MYO18B: variants seen among roughly 807,000 people sequenced by gnomAD.
MYO18B encodes unconventional myosin-XVIIIb.
Under a neutral mutation model 273.0 loss-of-function variants are expected in MYO18B, and 204 were observed. The observed-to-expected ratio is 0.75, with a 90% confidence interval of 0.67 to 0.84. The LOEUF is 0.84. MYO18B is among the 40% of genes least tolerant of loss of function. The probability of loss-of-function intolerance (pLI) is 0.00; values close to 1 mark genes in which losing one functional copy is unlikely to be tolerated. For missense variants in MYO18B, 3,212 were observed against 3,287.6 expected, an observed-to-expected ratio of 0.98 and a Z score of 0.56; for synonymous variants, 1,330 against 1,305.7, an observed-to-expected ratio of 1.02 and a Z score of -0.40.
intron 31 of MYO18B, among the ~76,000 whole-genome samples, chr22:25,905,041 T>C (rs771683026): frequency 4.6e-5 from 7 of 150,712 alleles, no homozygotes; most frequent in Non-Finnish European, 7.4e-5. Flanking sequence ...GCAATTATTT[T>C]AAAGTGTTTT....
intron 42 of MYO18B, among the ~76,000 whole-genome samples, chr22:26,025,439 G>A (rs1421218211): frequency 6.6e-6 from 1 of 152,108 alleles, no homozygotes; most frequent in Non-Finnish European, 1.5e-5. Flanking sequence ...TCCTACAATC[G>A]TCCTGATTGT....
At chr22:25,906,567 G>A (rs1028166248) in intron 31 of MYO18B, among the ~76,000 whole-genome samples, 3 of 152,148 alleles carry the variant, frequency 2.0e-5, no homozygotes, top group Non-Finnish European at 1.5e-5. Context: ...GAGAGGTGCT[G>A]GGACAGTAGA....
chr22:25,821,914 T>C (rs1344100656), intron 12 of MYO18B, among the ~76,000 whole-genome samples: 1 of 152,260 alleles, frequency 6.6e-6, no homozygotes, highest in African/African-American at 2.4e-5. Flanking sequence ...GGTTAATATT[T>C]AGCCATATTT....
intron 17 of MYO18B, among the ~76,000 whole-genome samples, chr22:25,839,106 G>A (rs1336997454): frequency 6.9e-6 from 1 of 145,320 alleles, no homozygotes; most frequent in Non-Finnish European, 1.6e-5. Context: ...GTGTGTGCGT[G>A]TGTGTATATA....
chr22:26,060,721 TATACAC>T, the MYO18B span, among the ~76,000 whole-genome samples: 1 of 151,884 alleles, frequency 6.6e-6, no homozygotes, highest in Admixed American at 6.6e-5. Flanking sequence ...CACACATACA[TATACAC>T]ATGCACACAT....
downstream of MYO18B, among the ~76,000 whole-genome samples, chr22:26,033,493 A>G (rs1433879518): frequency 6.6e-6 from 1 of 152,240 alleles, no homozygotes; most frequent in Non-Finnish European, 1.5e-5. Context: ...ATCAGTCATT[A>G]TTCTTCAATG....
In MYO18B at chr22:25,823,631, C is replaced by T. The variant is rs1032322291; in HGVS notation, c.2648C>T (p.Thr883Met). 18 of 1,613,832 alleles carry T rather than the reference C, an allele frequency of 1.1e-5. No individual in the cohort carries two copies. The highest frequency in any genetic ancestry group is 5.0e-5 in the Admixed American group (3 of 60,008). ...HHLRQIIQQM[T>M]FGPSRWGLED... is the part of the protein sequence containing the mutation. ...CTTCGACAGATCATCCAGCAAATGA[C>T]GTTTGGGCCAAGCCGATGGGGCCTC... The change falls in exon 13 of 44, where the codon ACG (threonine) becomes ATG (methionine). Residue 883 changes from threonine (T) to methionine (M), a missense_variant. Coordinates refer to ENST00000335473, the MANE Select transcript of MYO18B (RefSeq NM_032608.7).
intron 10 of MYO18B, among the ~76,000 whole-genome samples, chr22:25,782,211 T>G (rs1168259251): frequency 2.0e-5 from 3 of 152,242 alleles, no homozygotes; most frequent in South Asian, 4.1e-4. Context: ...TTAAGAGAGA[T>G]AATTTACATT....
chr22:25,833,751 A>C (rs2089797890), intron 16 of MYO18B, among the ~76,000 whole-genome samples: 1 of 152,162 alleles, frequency 6.6e-6, no homozygotes, highest in Non-Finnish European at 1.5e-5. Flanking sequence ...AATATCAATG[A>C]GATATTGCAC....
chr22:25,919,520 CTG>C (rs1352011817), intron 33 of MYO18B, among the ~76,000 whole-genome samples: 1 of 152,156 alleles, frequency 6.6e-6, no homozygotes, highest in Admixed American at 6.5e-5. Context: ...ACACTTAAAA[CTG>C]TCTATAAATG....
In MYO18B at chr22:25,768,495, G is replaced by C. The variant is rs1021834696; in HGVS notation, c.579G>C (p.Gly193=). ...CAGATACTGGAAAGGAAAAGAAAGG[G>C]GAGACCTCTAGGACTCCTTGTGGCT... ...PATDTGKEKK[G]ETSRTPCGSQ... is the part of the protein sequence containing the mutation. Residue 193 remains glycine (G), a synonymous_variant, in exon 4 of 44, where the codon GGG becomes GGC. Transcript: ENST00000335473. The C allele has an allele frequency of 1.2e-6, 2 of 1,606,578 alleles. No individual in the cohort carries two copies. The highest frequency in any genetic ancestry group is 1.7e-6 in the Non-Finnish European group (2 of 1,176,678).
At chr22:25,826,969 G>A (rs749744292) in intron 14 of MYO18B, among the ~76,000 whole-genome samples, 2 of 152,236 alleles carry the variant, frequency 1.3e-5, no homozygotes, top group Non-Finnish European at 2.9e-5. Flanking sequence ...GCTGAGGCAG[G>A]GAGAATTGCT....
At chr22:25,998,885 T>C (rs1933628570) in intron 40 of MYO18B, among the ~76,000 whole-genome samples, 1 of 152,220 alleles carries the variant, frequency 6.6e-6, no homozygotes, top group African/African-American at 2.4e-5. Context: ...GTTTAAATGA[T>C]GCTGCATAGA....
At chr22:25,926,134 G>C (rs548974925) in intron 34 of MYO18B, among the ~76,000 whole-genome samples, 1 of 151,922 alleles carries the variant, frequency 6.6e-6, no homozygotes, top group South Asian at 2.1e-4. Context: ...GAACCTAGGA[G>C]GTGGAGCTTG....
chr22:25,983,283 C>T (rs1431834143), intron 39 of MYO18B: 3 of 152,182 alleles, frequency 2.0e-5, no homozygotes, highest in African/African-American at 7.2e-5. Flanking sequence ...GCAGGAGGAT[C>T]ATCTGAACCC....
At position 25,746,063 on chromosome 22, in the gene MYO18B, G is replaced by T. The variant is rs555629196; in HGVS notation, c.-110+3770G>T. 5.6e-4 allele frequency among the ~76,000 whole-genome samples: 85 copies of T among 152,270 alleles called. 1 individual carries two copies. In the South Asian group the frequency reaches 0.017, roughly 31 times the overall value. ...CTGAATACCTTCCTGCCAGAGACTG[G>T]ACTGTTCAGCATAATGTAATAAACA... On this transcript the variant is annotated intron_variant, in intron 1 of 43. Coordinates refer to ENST00000335473, the MANE Select transcript of MYO18B (RefSeq NM_032608.7).
Position 25,832,883 on chromosome 22 carries a change from A to G in MYO18B, c.2980-34A>G, listed in dbSNP as rs371961613. On this transcript the variant is annotated intron_variant, in intron 15 of 43. Transcript: ENST00000335473. ...GTTTTCTTCCCCCTTCAGCTCGCTAAAAGTGCTAACTTTTAAATCCTGTTA... is the reference window on the plus strand; with the variant it reads ...GTTTTCTTCCCCCTTCAGCTCGCTAGAAGTGCTAACTTTTAAATCCTGTTA... 8.2e-6 allele frequency: 13 copies of G among 1,593,836 alleles called. No homozygotes were observed. In the South Asian group the frequency reaches 1.3e-4, roughly 16 times the overall value.
intron 27 of MYO18B, chr22:25,892,761 T>C (rs1298059445): frequency 3.3e-5 from 5 of 152,172 alleles, no homozygotes; most frequent in African/African-American, 1.2e-4. Flanking sequence ...GGCTCTCTTA[T>C]AAGCGAGACC....
At chr22:25,854,011 G>T (rs1007493895) in intron 21 of MYO18B, among the ~76,000 whole-genome samples, 14 of 152,194 alleles carry the variant, frequency 9.2e-5, no homozygotes, top group African/African-American at 2.7e-4. Context: ...ATCAGTTTCT[G>T]TGTGCAAAGC....
Sources: allele counts gnomAD v4.1 joint callset (sites outside exome capture counted in the v4.1 genomes callset), GRCh38; gene constraint gnomAD v4.1.1; transcripts MANE v1.5; gene names NCBI Gene and HGNC (gene_info 2026-07-23, HGNC 2026-07-21).